The following FAM178B variants were observed in gnomAD, a reference collection of about 807,000 sequenced individuals.
The protein encoded by FAM178B is protein FAM178B.
A neutral mutation model predicts 91.7 loss-of-function variants in FAM178B; 82 were observed. That is an observed-to-expected ratio of 0.89 (90% CI 0.75 to 1.07). FAM178B has a LOEUF of 1.07. FAM178B is among the 50% of genes least tolerant of loss of function. FAM178B has a pLI of 0.00. For missense variants in FAM178B, 769 were observed against 846.7 expected, an observed-to-expected ratio of 0.91 and a Z score of 1.14; for synonymous variants, 368 against 359.4, an observed-to-expected ratio of 1.02 and a Z score of -0.27.
At chr2:96,897,208 C>G (rs1260045513) in intron 13 of FAM178B, among the ~76,000 whole-genome samples, 1 of 152,182 alleles carries the variant, frequency 6.6e-6, no homozygotes, top group Non-Finnish European at 1.5e-5. Flanking sequence ...TTCCCCCCCA[C>G]TCCCTGGAAT....
intron 6 of FAM178B, among the ~76,000 whole-genome samples, chr2:96,959,109 G>C (rs2082044035): frequency 6.9e-6 from 1 of 145,732 alleles, no homozygotes; most frequent in Admixed American, 7.2e-5. Flanking sequence ...TGAGGCATGA[G>C]AATCGCTTGA....
chr2:96,906,542 A>G (rs543373665), intron 12 of FAM178B, among the ~76,000 whole-genome samples: 1 of 152,002 alleles, frequency 6.6e-6, no homozygotes, highest in African/African-American at 2.4e-5. Flanking sequence ...GTGCAGCACC[A>G]CTGTGTACTC....
chr2:96,966,604 G>A (rs2082146994), intron 5 of FAM178B, among the ~76,000 whole-genome samples: 1 of 152,216 alleles, frequency 6.6e-6, no homozygotes, highest in Non-Finnish European at 1.5e-5. Flanking sequence ...TGGGTGAGTG[G>A]ATGGATGGAC....
intron 12 of FAM178B, among the ~76,000 whole-genome samples, chr2:96,905,832 A>ATGTG (rs1559063948): frequency 3.9e-5 from 1 of 25,844 alleles, no homozygotes; most frequent in Non-Finnish European, 8.1e-5. Flanking sequence ...ATATATATAT[A>ATGTG]TATATATATA....
rs918713761 is a variant in FAM178B, at chr2:96,885,830, G to A, written c.1777-7337C>T. Among the ~76,000 whole-genome samples, 6 of 152,198 alleles carry A rather than the reference G, an allele frequency of 3.9e-5. No individual in the cohort carries two copies. In the East Asian group the frequency reaches 5.8e-4, roughly 15 times the overall value. ...AACCTAGCTCTGCAAGCTACCCAGA[G>A]AGGGACAAGATTCTCGGTGCCTATG... On this transcript the variant is annotated intron_variant, in intron 14 of 16. Transcript: ENST00000490605.
At chr2:96,890,041 C>T (rs553010382) in intron 14 of FAM178B, among the ~76,000 whole-genome samples, 4 of 151,630 alleles carry the variant, frequency 2.6e-5, no homozygotes, top group African/African-American at 7.3e-5. Flanking sequence ...TTTGGGAGGC[C>T]GAGGTGGGCA....
intron 5 of FAM178B, among the ~76,000 whole-genome samples, chr2:96,966,390 A>G (rs1049669949): frequency 1.3e-5 from 2 of 152,092 alleles, no homozygotes; most frequent in African/African-American, 4.8e-5. Context: ...ATCAGAGCCC[A>G]CACCTTTCCC....
chr2:96,914,005 A>G (rs1013165730), intron 12 of FAM178B, among the ~76,000 whole-genome samples: 1 of 152,266 alleles, frequency 6.6e-6, no homozygotes, highest in African/African-American at 2.4e-5. Flanking sequence ...GGAAGAGATC[A>G]GAAGAGAGCC....
intron 8 of FAM178B, among the ~76,000 whole-genome samples, chr2:96,933,049 C>A (rs1471290514): frequency 6.7e-6 from 1 of 150,104 alleles, no homozygotes; most frequent in Non-Finnish European, 1.5e-5. Context: ...TCAAGACCAT[C>A]CTGGCTAACA....
chr2:96,981,534 G>C (rs1046797398), intron 1 of FAM178B, among the ~76,000 whole-genome samples: 1 of 151,850 alleles, frequency 6.6e-6, no homozygotes, highest in Non-Finnish European at 1.5e-5. Flanking sequence ...GGCAGATCAC[G>C]AGGTGAGGAG....
At chr2:96,947,258 G>T (rs1192935884) in intron 8 of FAM178B, among the ~76,000 whole-genome samples, 1 of 152,150 alleles carries the variant, frequency 6.6e-6, no homozygotes, top group African/African-American at 2.4e-5. Flanking sequence ...TTATAAAGAG[G>T]AATTAAATAT....
chr2:96,894,057 G>A lies in FAM178B; in HGVS notation c.1651-6C>T. 6.2e-7 allele frequency: 1 copy of A among 1,600,998 alleles called. No homozygotes were observed. The highest frequency in any genetic ancestry group is 8.5e-7 in the Non-Finnish European group (1 of 1,174,902). On this transcript the variant is annotated splice_polypyrimidine_tract_variant and splice_region_variant and intron_variant, in intron 13 of 16. Coordinates refer to ENST00000490605, the MANE Select transcript of FAM178B (RefSeq NM_001122646.3). ...AGCCGGCTGAGCGAGGACAGCTGGG[G>A]AGGAGAAGGGAGGCTGTCACTCACA...
At chr2:96,979,473 A>C (rs2082334273) in intron 1 of FAM178B, among the ~76,000 whole-genome samples, 2 of 152,074 alleles carry the variant, frequency 1.3e-5, no homozygotes, top group African/African-American at 4.8e-5. Context: ...AAGTGCTGGA[A>C]TTACAGGCAT....
intron 6 of FAM178B, 180 bp from the exon 7 acceptor site, chr2:96,951,664 A>C (rs987573466): frequency 5.1e-6 from 3 of 583,562 alleles, no homozygotes; most frequent in Non-Finnish European, 6.2e-6. Flanking sequence ...AAAAGAACCC[A>C]GGCTAGCATC....
chr2:96,909,542 C>T (rs1248983313), intron 12 of FAM178B, among the ~76,000 whole-genome samples: 2 of 152,196 alleles, frequency 1.3e-5, no homozygotes, highest in African/African-American at 4.8e-5. Flanking sequence ...TGGTTTGGGT[C>T]CTCTGACGGC....
At chr2:96,895,158 A>G in intron 13 of FAM178B, 1 of 1,256,264 alleles carries the variant, frequency 8.0e-7, no homozygotes, top group East Asian at 5.6e-5. Flanking sequence ...AGGGGATTTT[A>G]AAGCAAATAC....
chr2:96,878,535 C>T (rs751616803), intron 14 of FAM178B, 42 bp from the exon 15 acceptor site: 5 of 1,595,370 alleles, frequency 3.1e-6, no homozygotes, highest in Admixed American at 1.7e-5. Context: ...CTAACTCCAC[C>T]CAGGGCAGCA....
At chr2:96,985,976 C>T (rs910223207) in intron 1 of FAM178B, among the ~76,000 whole-genome samples, 1 of 152,236 alleles carries the variant, frequency 6.6e-6, no homozygotes, top group African/African-American at 2.4e-5. Flanking sequence ...GCCACATCAA[C>T]CAAAACATAA....
chr2:96,931,555 A>G (rs1465744927), intron 8 of FAM178B, among the ~76,000 whole-genome samples: 1 of 152,170 alleles, frequency 6.6e-6, no homozygotes, highest in East Asian at 1.9e-4. Flanking sequence ...ACAAAGCAGC[A>G]TGGCATGTCA....
Sources: gnomAD v4.1 joint callset for allele counts (sites outside exome capture counted in the v4.1 genomes callset) on GRCh38, gnomAD v4.1.1 for gene constraint, MANE v1.5 for transcripts, NCBI Gene and HGNC (gene_info 2026-07-23, HGNC 2026-07-21) for gene names.